CACNA1E: variants seen among roughly 807,000 people sequenced by gnomAD.
CACNA1E encodes calcium voltage-gated channel subunit alpha1 E.
In CACNA1E, 40 loss-of-function variants were observed where a neutral mutation model predicts 259.2. The ratio of observed to expected loss-of-function variants is 0.15; its 90% CI spans 0.12 to 0.20. The LOEUF (loss-of-function observed/expected upper bound fraction) is 0.20, where lower values mean the gene tolerates loss of function less well. CACNA1E is among the 10% of genes least tolerant of loss of function. The pLI is 1.00. For missense variants in CACNA1E, 1,874 were observed against 3,040.1 expected (o/e 0.62, Z 9.02); for synonymous variants, 1,104 against 1,138.5 (o/e 0.97, Z 0.61).
intron 6 of CACNA1E, among the ~76,000 whole-genome samples, chr1:181,591,183 A>G (rs551199971): frequency 6.6e-6 from 1 of 152,248 alleles, no homozygotes; most frequent in East Asian, 1.9e-4. Context: ...AAGACCACCC[A>G]CAGTCACACT....
At chr1:181,615,224 T>A (rs1655099805) in intron 6 of CACNA1E, among the ~76,000 whole-genome samples, 2 of 152,226 alleles carry the variant, frequency 1.3e-5, no homozygotes, top group South Asian at 4.1e-4. Context: ...GGAGTCTCAC[T>A]CTGTCACCCA....
intron 3 of CACNA1E, among the ~76,000 whole-genome samples, chr1:181,552,879 C>G (rs966078951): frequency 7.9e-5 from 12 of 152,060 alleles, no homozygotes; most frequent in Middle Eastern, 3.4e-3. Flanking sequence ...ATACCCAGTA[C>G]CATGGTGTTT....
chr1:181,739,946 C>T (rs1036587900), intron 25 of CACNA1E, among the ~76,000 whole-genome samples: 2 of 152,150 alleles, frequency 1.3e-5, no homozygotes, highest in African/African-American at 4.8e-5. Flanking sequence ...TCTGACATTT[C>T]CTGTGGAATC....
chr1:181,696,206 G>A (rs72733192), intron 7 of CACNA1E, among the ~76,000 whole-genome samples: 17,414 of 151,556 alleles, frequency 0.11, 1,054 homozygotes, highest in Middle Eastern at 0.16. Flanking sequence ...CAATATTTAC[G>A]TAACATATAT....
intron 1 of CACNA1E, among the ~76,000 whole-genome samples, chr1:181,334,819 C>T (rs1268535063): frequency 2.0e-5 from 3 of 152,194 alleles, no homozygotes; most frequent in South Asian, 2.1e-4. Context: ...GGGGGTCTCA[C>T]TCCTCTGCCT....
intron 7 of CACNA1E, among the ~76,000 whole-genome samples, chr1:181,687,615 G>A (rs138434586): frequency 0.011 from 1,710 of 152,248 alleles, 28 homozygotes; most frequent in African/African-American, 0.038. Flanking sequence ...GAAAGAAGGG[G>A]CATTGGGACA....
At chr1:181,444,693 G>A (rs1449716408) in intron 2 of CACNA1E, among the ~76,000 whole-genome samples, 2 of 152,204 alleles carry the variant, frequency 1.3e-5, no homozygotes, top group Admixed American at 1.3e-4. Context: ...TCTGACCCCA[G>A]CAGATGCACT....
chr1:181,539,960 T>A (rs866711584), intron 3 of CACNA1E, among the ~76,000 whole-genome samples: 9 of 152,282 alleles, frequency 5.9e-5, no homozygotes, highest in Middle Eastern at 6.8e-3. Context: ...TCCCCAGTCT[T>A]ACAACAAATA....
intron 1 of CACNA1E, among the ~76,000 whole-genome samples, chr1:181,398,243 G>A (rs1432392199): frequency 6.6e-6 from 1 of 152,190 alleles, no homozygotes. Context: ...GACGTGCAAG[G>A]ACCAGCTCTC....
chr1:181,573,559 G>A lies in CACNA1E; in HGVS notation c.513-4207G>A, dbSNP rs149294790. Among the ~76,000 whole-genome samples, 188 of 152,298 alleles carry A rather than the reference G, an allele frequency of 1.2e-3. 1 individual carries two copies. The highest frequency in any genetic ancestry group is 4.3e-3 in the African/African-American group (179 of 41,542). ...GATCCCACGGGACAGGATCTGTCCA[G>A]TCCTCAGTAAGAGTCTTTCAAGAAT... On this transcript the variant is annotated intron_variant, in intron 3 of 47. Coordinates refer to ENST00000367573, the MANE Select transcript of CACNA1E (RefSeq NM_001205293.3).
intron 6 of CACNA1E, among the ~76,000 whole-genome samples, chr1:181,646,819 G>A (rs1658308633): frequency 6.6e-6 from 1 of 152,210 alleles, no homozygotes; most frequent in South Asian, 2.1e-4. Flanking sequence ...TACCATGTGT[G>A]CCTGTTTACG....
intron 7 of CACNA1E, among the ~76,000 whole-genome samples, chr1:181,661,379 C>T (rs923758343): frequency 4.6e-5 from 7 of 152,116 alleles, no homozygotes; most frequent in African/African-American, 1.4e-4. Flanking sequence ...AAGGACAGGA[C>T]AGCTCCAGGA....
intron 6 of CACNA1E, among the ~76,000 whole-genome samples, chr1:181,600,987 A>T (rs1653685736): frequency 6.6e-6 from 1 of 152,160 alleles, no homozygotes; most frequent in Non-Finnish European, 1.5e-5. Flanking sequence ...TAAGGCCCTG[A>T]GAACTTGATC....
chr1:181,736,995 G>C (rs955388641), intron 22 of CACNA1E, among the ~76,000 whole-genome samples: 1 of 152,208 alleles, frequency 6.6e-6, no homozygotes, highest in African/African-American at 2.4e-5. Context: ...GCAGGGCTCT[G>C]GGAAGGGAGC....
chr1:181,360,275 T>A lies in CACNA1E; in HGVS notation c.-15+42152T>A, dbSNP rs558797043. 8.9e-4 allele frequency among the ~76,000 whole-genome samples: 135 copies of A among 152,186 alleles called. 7 individuals carry two copies. The South Asian group carries it at 0.027, about 30-fold the overall frequency. The stretch of plus-strand genomic sequence containing the variant: ...TATACCCCAAAGAACCAATAACATA[T>A]AACCACACAAAAACTGGTACATGCC... On this transcript the variant is annotated intron_variant, in intron 1 of 11. Coordinates refer to the CACNA1E transcript ENST00000524607.
At chr1:181,327,202 C>G (rs914194320) in intron 1 of CACNA1E, among the ~76,000 whole-genome samples, 1 of 152,160 alleles carries the variant, frequency 6.6e-6, no homozygotes, top group African/African-American at 2.4e-5. Context: ...TACTCTGGAA[C>G]CTTTGGCAAA....
At chr1:181,474,406 A>G (rs1204016483) in intron 2 of CACNA1E, among the ~76,000 whole-genome samples, 1 of 152,256 alleles carries the variant, frequency 6.6e-6, no homozygotes, top group African/African-American at 2.4e-5. Flanking sequence ...ACTGCACATT[A>G]GGAATATTCA....
At chr1:181,365,868 A>G (rs1476582463) in intron 1 of CACNA1E, among the ~76,000 whole-genome samples, 2 of 152,228 alleles carry the variant, frequency 1.3e-5, no homozygotes, top group African/African-American at 4.8e-5. Flanking sequence ...TCACAGAGGA[A>G]GTGGACAAGG....
intron 3 of CACNA1E, among the ~76,000 whole-genome samples, chr1:181,568,429 A>C (rs148344371): frequency 5.9e-5 from 9 of 152,250 alleles, no homozygotes; most frequent in African/African-American, 1.9e-4. Flanking sequence ...TAATCAGGAA[A>C]ATTCTTTTGA....
Sources: gnomAD v4.1 joint callset for allele counts (sites outside exome capture counted in the v4.1 genomes callset) on GRCh38, gnomAD v4.1.1 for gene constraint, MANE v1.5 for transcripts, NCBI Gene and HGNC (gene_info 2026-07-23, HGNC 2026-07-21) for gene names.